TUSC3: variants seen among roughly 807,000 people sequenced by gnomAD.
The protein encoded by TUSC3 is tumor suppressor candidate 3.
TUSC3 carries 45 observed loss-of-function variants against 44.8 expected under a neutral mutation model. The observed-to-expected ratio is 1.00, with a 90% CI of 0.79 to 1.29. The LOEUF (loss-of-function observed/expected upper bound fraction) is 1.29. Among genes scored for constraint, TUSC3 ranks in the 50% most tolerant of loss-of-function variants. TUSC3 has a pLI of 0.00. For synonymous variants in TUSC3, 212 were observed against 152.9 expected (o/e 1.39, Z -2.85); for missense variants, 519 against 437.9 (o/e 1.19, Z -1.65).
chr8:15,570,322 A>G (rs956125844), intron 1 of TUSC3, among the ~76,000 whole-genome samples: 4 of 151,694 alleles, frequency 2.6e-5, no homozygotes, highest in African/African-American at 2.4e-5. Context: ...AAACACATCT[A>G]ATTGAATGTT....
chr8:15,502,912 G>A (rs1376230178), intron 2 of TUSC3, among the ~76,000 whole-genome samples: 2 of 152,142 alleles, frequency 1.3e-5, no homozygotes, highest in Admixed American at 6.5e-5. Flanking sequence ...CATGTTTGAC[G>A]AAGTCTTTAT....
rs141232847 is a variant in TUSC3, at chr8:15,444,947, C to T, written n.91+27642C>T. On this transcript the variant is annotated intron_variant and non_coding_transcript_variant, in intron 1 of 5. Transcript: ENST00000503191. ...CAGAGCGCTGGTGCTGTGCACTCTA[C>T]GAACTTCAGATGCAGGAGAAGGACA... Among the ~76,000 whole-genome samples, 1,350 of 152,150 alleles carry T rather than the reference C, an allele frequency of 8.9e-3. 21 individuals carry two copies. Among genetic ancestry groups the T allele is most frequent in the African/African-American group, 0.03 (1,263 of 41,488 alleles).
chr8:15,502,304 C>A (rs191261977), intron 2 of TUSC3, among the ~76,000 whole-genome samples: 13 of 152,256 alleles, frequency 8.5e-5, no homozygotes, highest in African/African-American at 3.1e-4. Flanking sequence ...TGTTAAATAT[C>A]TAAGCAATAT....
chr8:15,432,336 A>G (rs1225354157), intron 1 of TUSC3, among the ~76,000 whole-genome samples: 1 of 151,976 alleles, frequency 6.6e-6, no homozygotes, highest in Non-Finnish European at 1.5e-5. Flanking sequence ...CATGTTTTTT[A>G]TCTGTAGCAT....
chr8:15,739,508 A>C (rs2129212388), intron 7 of TUSC3, among the ~76,000 whole-genome samples: 1 of 152,284 alleles, frequency 6.6e-6, no homozygotes, highest in African/African-American at 2.4e-5. Flanking sequence ...AATTTGAAAA[A>C]TGCTATATTG....
At position 15,566,884 on chromosome 8, in the gene TUSC3, C is replaced by G. The variant is rs557264477; in HGVS notation, c.138+26316C>G. Reference sequence around the variant, plus strand: ...CTGGGATCCAGTTATCCTGCGGCTTCGGCCTCCCAAACCATTGGGATTGTA... The same window carrying G: ...CTGGGATCCAGTTATCCTGCGGCTTGGGCCTCCCAAACCATTGGGATTGTA... On this transcript the variant is annotated intron_variant, in intron 1 of 10. Coordinates refer to ENST00000503731, the MANE Select transcript of TUSC3 (RefSeq NM_006765.4). 3.1e-3 allele frequency among the ~76,000 whole-genome samples: 478 copies of G among 152,236 alleles called. 5 individuals carry two copies. The highest frequency in any genetic ancestry group is 6.1e-3 in the Non-Finnish European group (414 of 68,004).
chr8:15,748,736 C>G (rs764192500), intron 9 of TUSC3: 1 of 591,848 alleles, frequency 1.7e-6, no homozygotes, highest in African/African-American at 1.8e-5. Context: ...ATTTTGAGGA[C>G]TTGAAAATTT....
intron 6 of TUSC3, among the ~76,000 whole-genome samples, chr8:15,678,695 A>G (rs531578209): frequency 1.3e-5 from 2 of 152,278 alleles, no homozygotes; most frequent in Admixed American, 6.5e-5. Context: ...GGTTGTTACA[A>G]GAGTATATTG....
At chr8:15,480,321 G>T (rs538758578) in intron 1 of TUSC3, among the ~76,000 whole-genome samples, 6 of 152,140 alleles carry the variant, frequency 3.9e-5, no homozygotes, top group Non-Finnish European at 7.4e-5. Context: ...CACATAATTA[G>T]AAAAACCTAC....
chr8:15,732,312 T>G (rs1156895729), intron 7 of TUSC3, among the ~76,000 whole-genome samples: 1 of 152,146 alleles, frequency 6.6e-6, no homozygotes, highest in Non-Finnish European at 1.5e-5. Context: ...TTTCCCATGA[T>G]GTTCTCATGA....
chr8:15,554,860 C>T (rs979181777), intron 1 of TUSC3, among the ~76,000 whole-genome samples: 2 of 151,280 alleles, frequency 1.3e-5, no homozygotes, highest in African/African-American at 4.8e-5. Flanking sequence ...CTGCCTCAAC[C>T]TCCCAAAGTG....
intron 1 of TUSC3, among the ~76,000 whole-genome samples, chr8:15,426,719 T>C (rs1240420661): frequency 6.6e-6 from 1 of 152,228 alleles, no homozygotes; most frequent in East Asian, 1.9e-4. Flanking sequence ...TCCAAGATCC[T>C]GATTTTAATT....
chr8:15,687,118 A>G (rs1808668493), intron 6 of TUSC3, among the ~76,000 whole-genome samples: 1 of 152,232 alleles, frequency 6.6e-6, no homozygotes, highest in Admixed American at 6.5e-5. Flanking sequence ...AGTAATTGAC[A>G]TACATTAAGG....
chr8:15,650,023 TATC>T (rs1205388217), intron 2 of TUSC3, among the ~76,000 whole-genome samples: 1 of 152,204 alleles, frequency 6.6e-6, no homozygotes, highest in Non-Finnish European at 1.5e-5. Flanking sequence ...CATAAAGTTT[TATC>T]ATCTGGAAAA....
intron 6 of TUSC3, among the ~76,000 whole-genome samples, chr8:15,724,384 G>A (rs1225860963): frequency 6.6e-6 from 1 of 152,070 alleles, no homozygotes; most frequent in African/African-American, 2.4e-5. Context: ...ATTTTATATA[G>A]ACATTGATCA....
chr8:15,714,217 A>C (rs7011080), intron 6 of TUSC3, among the ~76,000 whole-genome samples: 134,338 of 152,120 alleles, frequency 0.88, 59,534 homozygotes, highest in Non-Finnish European at 0.91. Context: ...ATTTTGTAAC[A>C]CTTTACCTCA....
rs1177274916 is a variant in TUSC3, at chr8:15,743,626, T to G, written c.937+14T>G. 4.3e-6 allele frequency: 7 copies of G among 1,613,692 alleles called. No homozygotes were observed. The highest frequency in any genetic ancestry group is 2.7e-5 in the African/African-American group (2 of 74,946). Reference sequence around the variant, plus strand: ...GAAAAAGACGGAGTAAGTCTCTGTGTTGCCATTTTTGTAATTTCGTTTTAG... The same window carrying G: ...GAAAAAGACGGAGTAAGTCTCTGTGGTGCCATTTTTGTAATTTCGTTTTAG... On this transcript the variant is annotated intron_variant, in intron 8 of 10. Coordinates refer to ENST00000503731, the MANE Select transcript of TUSC3 (RefSeq NM_006765.4).
At chr8:15,660,117 T>TTA (rs1459648119) in intron 4 of TUSC3, among the ~76,000 whole-genome samples, 1 of 152,062 alleles carries the variant, frequency 6.6e-6, no homozygotes, top group Non-Finnish European at 1.5e-5. Context: ...TAATTTAACT[T>TTA]AACAATTCCG....
intron 9 of TUSC3, among the ~76,000 whole-genome samples, chr8:15,749,150 G>A (rs1178714957): frequency 1.4e-4 from 21 of 152,044 alleles, no homozygotes; most frequent in African/African-American, 5.1e-4. Context: ...TTTCTCTAAG[G>A]AGTCCTTCTT....
Sources: allele counts gnomAD v4.1 joint callset (sites outside exome capture counted in the v4.1 genomes callset), GRCh38; gene constraint gnomAD v4.1.1; transcripts MANE v1.5; gene names NCBI Gene and HGNC (gene_info 2026-07-23, HGNC 2026-07-21).